RELN: variants seen among roughly 807,000 people sequenced by gnomAD.
RELN encodes the protein reelin.
RELN carries 108 observed loss-of-function variants against 427.6 expected under a neutral mutation model. That is an observed-to-expected ratio of 0.25 (90% confidence interval 0.22 to 0.30). RELN has a LOEUF of 0.30. Among genes scored for constraint, RELN ranks in the 10% least tolerant of loss-of-function variants. The pLI is 1.00. For synonymous variants in RELN, 1,524 were observed against 1,513.4 expected, an observed-to-expected ratio of 1.01 and a Z score of -0.16; for missense variants, 3,715 against 4,302.8, an observed-to-expected ratio of 0.86 and a Z score of 3.82.
rs577520481 is a variant in RELN at position 103,539,295 on chromosome 7, C to A, written c.6963G>T (p.Thr2321=). ...GGGTTGTGAAATCATCTTCCAAGAC[C>A]GTATTACCAGAAATATTTCCTCCAA... ...ILIGGNISGN[T]VLEDDFTTLD... is the part of the protein sequence containing the mutation. Residue 2321 remains threonine, a synonymous_variant, in exon 45 of 65, where the codon ACG becomes ACT. Coordinates refer to ENST00000428762, the MANE Select transcript of RELN (RefSeq NM_005045.4). 9.3e-6 allele frequency: 15 copies of A among 1,613,948 alleles called. No individual in the cohort carries two copies. Among genetic ancestry groups the A allele is most frequent in the Non-Finnish European group, 1.3e-5 (15 of 1,179,936 alleles).
At chr7:103,787,902 T>C (rs992509744) in intron 3 of RELN, among the ~76,000 whole-genome samples, 1 of 152,102 alleles carries the variant, frequency 6.6e-6, no homozygotes, top group East Asian at 1.9e-4. Flanking sequence ...TTCAGGCCAA[T>C]ATCCCTGATG....
At position 103,870,442 on chromosome 7, in the gene RELN, T is replaced by A. The variant is rs185336737; in HGVS notation, c.338-36770A>T. On this transcript the variant is annotated intron_variant, in intron 2 of 64. Transcript: ENST00000428762. Reference sequence around the variant, plus strand: ...GTGTGAGCTCTGCTTTATAAAATCTTTGCTAGGATGGATCTCTAGAATGCC... The same window carrying A: ...GTGTGAGCTCTGCTTTATAAAATCTATGCTAGGATGGATCTCTAGAATGCC... Among the ~76,000 whole-genome samples, 156 of 152,142 alleles carry A rather than the reference T, an allele frequency of 1.0e-3. 3 individuals are homozygous for A. Among genetic ancestry groups the A allele is most frequent in the Admixed American group, 7.6e-3 (116 of 15,250 alleles).
chr7:103,661,290 G>T, intron 12 of RELN, 86 bp downstream of exon 12: 1 of 1,394,914 alleles, frequency 7.2e-7, no homozygotes, highest in Non-Finnish European at 1.0e-6. Flanking sequence ...TTACGTAGTT[G>T]ACAACAAACA....
intron 10 of RELN, among the ~76,000 whole-genome samples, chr7:103,683,124 A>T (rs1833690282): frequency 6.6e-6 from 1 of 152,206 alleles, no homozygotes; most frequent in Non-Finnish European, 1.5e-5. Flanking sequence ...GAAATGCTAT[A>T]CATGAAACAT....
At chr7:103,534,069 A>G (rs1179178085) in intron 46 of RELN, among the ~76,000 whole-genome samples, 1 of 152,252 alleles carries the variant, frequency 6.6e-6, no homozygotes, top group African/African-American at 2.4e-5. Context: ...CTAGGCTGTT[A>G]CTAACTGAAA....
chr7:103,606,204 A>C (rs1438482379), intron 22 of RELN, among the ~76,000 whole-genome samples: 8 of 152,220 alleles, frequency 5.3e-5, no homozygotes, highest in African/African-American at 1.9e-4. Flanking sequence ...ACGGGTGACT[A>C]GATTGTGAGC....
At chr7:103,790,800 G>T (rs533958500) in intron 3 of RELN, among the ~76,000 whole-genome samples, 2 of 151,924 alleles carry the variant, frequency 1.3e-5, no homozygotes, top group South Asian at 2.1e-4. Context: ...TGTCTCTACT[G>T]AAAATACAAA....
intron 2 of RELN, among the ~76,000 whole-genome samples, chr7:103,843,434 G>T (rs564203746): frequency 6.6e-6 from 1 of 152,138 alleles, no homozygotes; most frequent in East Asian, 1.9e-4. Context: ...CTGAACACAG[G>T]TTCCACTACA....
At chr7:103,872,043 C>CTTTTTTTCTTTT (rs1794352888) in intron 2 of RELN, among the ~76,000 whole-genome samples, 1 of 119,548 alleles carries the variant, frequency 8.4e-6, no homozygotes, top group African/African-American at 2.9e-5. Context: ...TTTCTTTTTT[C>CTTTTTTTCTTTT]TTTTTTTTCT....
intron 3 of RELN, among the ~76,000 whole-genome samples, chr7:103,797,204 G>A (rs1283125775): frequency 6.6e-6 from 1 of 152,154 alleles, no homozygotes. Flanking sequence ...GCAGGTTCAA[G>A]TGATTCTCCT....
chr7:103,687,314 G>A (rs1181359476), intron 10 of RELN, among the ~76,000 whole-genome samples: 2 of 152,110 alleles, frequency 1.3e-5, no homozygotes. Context: ...CAAATTAAGG[G>A]CAAAGATGCC....
chr7:103,483,958 C>T, intron 61 of RELN, 108 bp from the exon 62 acceptor site: 2 of 1,089,584 alleles, frequency 1.8e-6, no homozygotes, highest in East Asian at 5.2e-5. Context: ...CGGCTCACTA[C>T]AACGTCTGCC....
intron 2 of RELN, among the ~76,000 whole-genome samples, chr7:103,889,674 GA>G (rs1794803061): frequency 6.6e-6 from 1 of 152,132 alleles, no homozygotes; most frequent in South Asian, 2.1e-4. Flanking sequence ...AGGGCAGGCA[GA>G]GACACTGAAA....
chr7:103,920,251 G>C (rs1039740747), intron 1 of RELN, among the ~76,000 whole-genome samples: 2 of 152,166 alleles, frequency 1.3e-5, no homozygotes, highest in African/African-American at 2.4e-5. Context: ...TGCATAAGTA[G>C]AAGTTGTAGG....
chr7:103,799,909 C>T (rs913817328), intron 3 of RELN, among the ~76,000 whole-genome samples: 2 of 152,034 alleles, frequency 1.3e-5, no homozygotes, highest in Admixed American at 6.6e-5. Context: ...TTTAAAGAAT[C>T]AACAAAAACC....
intron 64 of RELN, chr7:103,476,740 C>A: frequency 2.5e-6 from 1 of 407,316 alleles, no homozygotes; most frequent in Non-Finnish European, 5.1e-6. Context: ...TGTCTAACAG[C>A]ATTGGGAATT....
At chr7:103,873,062 C>A (rs1042521533) in intron 2 of RELN, among the ~76,000 whole-genome samples, 1 of 151,882 alleles carries the variant, frequency 6.6e-6, no homozygotes, top group Non-Finnish European at 1.5e-5. Context: ...CACTCAAAGC[C>A]GCCCAACTAC....
chr7:103,516,307 C>G (rs1352261287), intron 49 of RELN, among the ~76,000 whole-genome samples: 1 of 134,408 alleles, frequency 7.4e-6, no homozygotes, highest in Non-Finnish European at 1.6e-5. Flanking sequence ...TTTTTTGAGA[C>G]AGAGATCTCA....
At position 103,658,470 on chromosome 7, in the gene RELN, C is replaced by A. The variant is rs181162197; in HGVS notation, c.1441+2906G>T. The stretch of plus-strand genomic sequence containing the variant: ...TGTTTTCTATAGGTCCAGTCCTATC[C>A]TATCTATCCTGCCCTATCGTATCCC... On this transcript the variant is annotated intron_variant, in intron 12 of 64. Transcript: ENST00000428762. 4.1e-3 allele frequency among the ~76,000 whole-genome samples: 621 copies of A among 152,164 alleles called. 7 individuals are homozygous for A. Among genetic ancestry groups the A allele is most frequent in the African/African-American group, 0.014 (591 of 41,536 alleles).
Sources: allele counts gnomAD v4.1 joint callset (sites outside exome capture counted in the v4.1 genomes callset), GRCh38; gene constraint gnomAD v4.1.1; transcripts MANE v1.5; gene names NCBI Gene and HGNC (gene_info 2026-07-23, HGNC 2026-07-21).